Variants in CFAP58 observed in about 807,000 individuals in gnomAD.
CFAP58 encodes cilia and flagella associated protein 58.
Under a neutral mutation model 119.5 loss-of-function variants are expected in CFAP58, and 88 were observed. That is an observed-to-expected ratio of 0.74 (90% confidence interval 0.62 to 0.88). The LOEUF (loss-of-function observed/expected upper bound fraction) is 0.88. Among genes scored for constraint, CFAP58 ranks in the 40% least tolerant of loss-of-function variants. The pLI is 0.00. For missense variants in CFAP58, 990 were observed against 1,021.2 expected (o/e 0.97, Z 0.42); for synonymous variants, 365 against 366.3 (o/e 1.00, Z 0.04).
At chr10:104,434,092 T>C (rs1056751177) in intron 15 of CFAP58, among the ~76,000 whole-genome samples, 1 of 152,212 alleles carries the variant, frequency 6.6e-6, no homozygotes, top group African/African-American at 2.4e-5. Flanking sequence ...GCAAATTACT[T>C]AGCCTCACTC....
chr10:104,353,821 A>C (rs182377907), upstream of CFAP58: 23 of 1,550,000 alleles, frequency 1.5e-5, no homozygotes, highest in African/African-American at 3.1e-4. Context: ...TCGCGCCTTT[A>C]GCTTCTTTCC....
chr10:104,341,793 G>A, the CFAP58 span, among the ~76,000 whole-genome samples: 1 of 152,004 alleles, frequency 6.6e-6, no homozygotes, highest in African/African-American at 2.4e-5. Context: ...ATGCTGAAAA[G>A]CCATCAGATA....
At chr10:104,452,289 AAAT>A (rs139981255) in intron 17 of CFAP58, among the ~76,000 whole-genome samples, 1,727 of 152,206 alleles carry the variant, frequency 0.011, 17 homozygotes, top group Non-Finnish European at 0.018. Flanking sequence ...AAATGAAAGA[AAAT>A]AATCAATTAA....
chr10:104,339,131 C>T, the CFAP58 span, among the ~76,000 whole-genome samples: 1 of 152,198 alleles, frequency 6.6e-6, no homozygotes, highest in Non-Finnish European at 1.5e-5. Flanking sequence ...TGGTCTCGAA[C>T]TCCCTTCTCG....
At chr10:104,386,611 T>G (rs1315820873) in intron 9 of CFAP58, among the ~76,000 whole-genome samples, 1 of 151,950 alleles carries the variant, frequency 6.6e-6, no homozygotes, top group Non-Finnish European at 1.5e-5. Context: ...TAACTGTTAC[T>G]TGTGTATGTC....
intron 3 of CFAP58, among the ~76,000 whole-genome samples, chr10:104,362,940 C>T (rs2014691509): frequency 6.6e-6 from 1 of 152,224 alleles, no homozygotes; most frequent in South Asian, 2.1e-4. Flanking sequence ...CATCAAGTTG[C>T]TCACACCTCC....
chr10:104,453,715 A>C (rs1035318676), intron 17 of CFAP58, among the ~76,000 whole-genome samples: 1 of 150,110 alleles, frequency 6.7e-6, no homozygotes, highest in African/African-American at 2.5e-5. Context: ...CAACTGTATG[A>C]TAACTTGTGT....
chr10:104,358,313 C>T, intron 1 of CFAP58, 28 bp from the exon 2 acceptor site: 1 of 1,595,608 alleles, frequency 6.3e-7, no homozygotes, highest in Non-Finnish European at 8.5e-7. Flanking sequence ...TTGCATTGCC[C>T]TTTCCCATCC....
chr10:104,427,359 T>C (rs1440697567), intron 15 of CFAP58, among the ~76,000 whole-genome samples: 1 of 152,240 alleles, frequency 6.6e-6, no homozygotes, highest in African/African-American at 2.4e-5. Flanking sequence ...AATATTGCCA[T>C]GGTCTGACTC....
chr10:104,432,615 G>T (rs2012867520), intron 15 of CFAP58, among the ~76,000 whole-genome samples: 1 of 151,846 alleles, frequency 6.6e-6, no homozygotes, highest in South Asian at 2.1e-4. Context: ...CAATTCTCCT[G>T]CCTCAGCCTC....
chr10:104,450,355 T>C, intron 17 of CFAP58, 151 bp downstream of exon 17: 1 of 813,546 alleles, frequency 1.2e-6, no homozygotes, highest in Admixed American at 2.5e-5. Context: ...TAAGTTTGTA[T>C]CAGAGCAAGA....
chr10:104,380,821 A>G (rs2011775930), intron 9 of CFAP58, among the ~76,000 whole-genome samples: 1 of 151,644 alleles, frequency 6.6e-6, no homozygotes. Context: ...ACATGTCGAG[A>G]CCCTGTCTCT....
chr10:104,421,697 A>T (rs78771784), intron 15 of CFAP58, among the ~76,000 whole-genome samples: 1,603 of 152,334 alleles, frequency 0.011, 33 homozygotes, highest in African/African-American at 0.035. Flanking sequence ...AAGCTCACTC[A>T]TATTGCTGTG....
At chr10:104,449,094 T>C (rs1414394087) in intron 16 of CFAP58, among the ~76,000 whole-genome samples, 3 of 152,034 alleles carry the variant, frequency 2.0e-5, no homozygotes, top group East Asian at 1.9e-4. Context: ...CCTACTCTTA[T>C]AGGAAATTCC....
chr10:104,357,724 T>A (rs1564875136), intron 1 of CFAP58, among the ~76,000 whole-genome samples: 1 of 151,564 alleles, frequency 6.6e-6, no homozygotes, highest in Non-Finnish European at 1.5e-5. Flanking sequence ...TATATCCCAA[T>A]GCATATATAT....
At position 104,361,901 on chromosome 10, in the gene CFAP58, C is replaced by T. The variant is rs1196832590; in HGVS notation, c.292-122C>T. The T allele has an allele frequency of 7.7e-6, 7 of 914,328 alleles. No individual in the cohort carries two copies. In the Admixed American group the frequency reaches 1.9e-4, roughly 25 times the overall value. 56.6% of individuals were successfully genotyped at this position (914,328 alleles called of 1,614,324 possible). Reference sequence around the variant, plus strand: ...TCACTATTGACTAGCTCATGTTAAACAATTTAGTCAATGCACATTTATATA... The same window carrying T: ...TCACTATTGACTAGCTCATGTTAAATAATTTAGTCAATGCACATTTATATA... On this transcript the variant is annotated intron_variant, in intron 2 of 17. Transcript: ENST00000369704.
At chr10:104,454,218 G>A (rs910608302) in intron 17 of CFAP58, among the ~76,000 whole-genome samples, 26 of 152,208 alleles carry the variant, frequency 1.7e-4, no homozygotes, top group Middle Eastern at 3.4e-3. Context: ...AACATTAGGA[G>A]AGCATATTTT....
chr10:104,350,457 G>A (rs561784690), upstream of CFAP58, among the ~76,000 whole-genome samples: 3 of 152,146 alleles, frequency 2.0e-5, no homozygotes, highest in Non-Finnish European at 4.4e-5. Context: ...TGTTTCATCA[G>A]CATAAATTGA....
chr10:104,419,151 C>A (rs1367057503), intron 15 of CFAP58, among the ~76,000 whole-genome samples: 1 of 152,164 alleles, frequency 6.6e-6, no homozygotes, highest in Non-Finnish European at 1.5e-5. Context: ...ATGCTTCTGC[C>A]TGCCAGGGAG....
Sources: allele counts gnomAD v4.1 joint callset (sites outside exome capture counted in the v4.1 genomes callset), GRCh38; gene constraint gnomAD v4.1.1; transcripts MANE v1.5; gene names NCBI Gene and HGNC (gene_info 2026-07-23, HGNC 2026-07-21).